The following NMNAT3 variants were observed in gnomAD, a reference collection of about 807,000 sequenced individuals.
NMNAT3 encodes the protein nicotinamide nucleotide adenylyltransferase 3.
Under a neutral mutation model 24.8 loss-of-function variants are expected in NMNAT3, and 21 were observed. The observed-to-expected ratio is 0.85, with a 90% CI of 0.60 to 1.22. The LOEUF is 1.22. Ranked by LOEUF, NMNAT3 falls within the 50% of genes most tolerant of loss-of-function variation. The pLI, the probability that NMNAT3 is intolerant of heterozygous loss-of-function variation, is 0.00. For missense variants in NMNAT3, 387 were observed against 436.6 expected (o/e 0.89, Z 1.01); for synonymous variants, 136 against 155.2 (o/e 0.88, Z 0.92).
At chr3:139,606,849 G>C (rs984164507) in intron 3 of NMNAT3, among the ~76,000 whole-genome samples, 2 of 151,944 alleles carry the variant, frequency 1.3e-5, no homozygotes, top group East Asian at 1.9e-4. Context: ...TATGTATTTT[G>C]TTCCTCAAAT....
At chr3:139,582,660 A>AG (rs959936428) in intron 4 of NMNAT3, among the ~76,000 whole-genome samples, 9 of 149,530 alleles carry the variant, frequency 6.0e-5, no homozygotes, top group South Asian at 4.2e-4. Context: ...AAAAAAAAAA[A>AG]AAAAGAAAAG....
chr3:139,624,865 A>T (rs942586205), intron 3 of NMNAT3, among the ~76,000 whole-genome samples: 4 of 152,172 alleles, frequency 2.6e-5, no homozygotes, highest in African/African-American at 9.7e-5. Context: ...CAATTAGGTC[A>T]AATTGTTTAA....
chr3:139,622,425 G>T (rs1215202536), intron 3 of NMNAT3, among the ~76,000 whole-genome samples: 1 of 148,698 alleles, frequency 6.7e-6, no homozygotes, highest in African/African-American at 2.4e-5. Flanking sequence ...AAAAGGTACA[G>T]TAAAAAACAT....
chr3:139,564,358 A>G (rs1432552639), intron 6 of NMNAT3, among the ~76,000 whole-genome samples: 1 of 152,210 alleles, frequency 6.6e-6, no homozygotes, highest in East Asian at 1.9e-4. Flanking sequence ...TAAATTTACC[A>G]TACAAGGCCA....
At position 139,583,069 on chromosome 3, in the gene NMNAT3, A is replaced by G. The variant is rs1187274038; in HGVS notation, c.249T>C (p.Ser83=). 1.7e-5 allele frequency: 27 copies of G among 1,604,602 alleles called. No individual in the cohort carries two copies. The highest frequency in any genetic ancestry group is 2.2e-5 in the Non-Finnish European group (26 of 1,174,070). The change falls in exon 4 of 7, where the codon TCT becomes TCC. Residue 83 remains serine (S), a synonymous_variant. Coordinates refer to ENST00000643695, the MANE Select transcript of NMNAT3 (RefSeq NM_001320510.2). ...GTTCTTCAGTTCTTTTGCGTTTAAA[A>G]GATGACTTGTCAGGGTCATCATTTT...
chr3:139,603,935 G>A (rs1173109962), intron 3 of NMNAT3, among the ~76,000 whole-genome samples: 1 of 152,158 alleles, frequency 6.6e-6, no homozygotes, highest in Non-Finnish European at 1.5e-5. Context: ...TCAAAGGTTG[G>A]TCACTAGATA....
At chr3:139,644,348 T>C (rs74953864) in intron 1 of NMNAT3, among the ~76,000 whole-genome samples, 6,495 of 152,142 alleles carry the variant, frequency 0.043, 471 homozygotes, top group African/African-American at 0.15. Flanking sequence ...AAAAATACAA[T>C]GAACAATACC....
intron 1 of NMNAT3, among the ~76,000 whole-genome samples, chr3:139,646,524 T>C (rs1165584301): frequency 6.6e-6 from 1 of 152,122 alleles, no homozygotes; most frequent in African/African-American, 2.4e-5. Flanking sequence ...CCACTCCCAT[T>C]TGCCCACAGA....
At chr3:139,586,893 G>C (rs2053962588) in intron 3 of NMNAT3, among the ~76,000 whole-genome samples, 1 of 152,182 alleles carries the variant, frequency 6.6e-6, no homozygotes, top group African/African-American at 2.4e-5. Context: ...AGAAAAGCCT[G>C]ATAGACAATG....
intron 1 of NMNAT3, among the ~76,000 whole-genome samples, chr3:139,659,567 T>C (rs944955008): frequency 6.6e-6 from 1 of 152,208 alleles, no homozygotes; most frequent in African/African-American, 2.4e-5. Context: ...ACAGAAAAAC[T>C]GATTTAAAGA....
intron 3 of NMNAT3, among the ~76,000 whole-genome samples, chr3:139,586,845 G>T (rs1168049026): frequency 6.6e-6 from 1 of 152,102 alleles, no homozygotes; most frequent in Non-Finnish European, 1.5e-5. Flanking sequence ...TTTTTGGCCT[G>T]AGGGTGAGGT....
At chr3:139,646,845 A>G (rs1345350730) in intron 1 of NMNAT3, among the ~76,000 whole-genome samples, 1 of 152,234 alleles carries the variant, frequency 6.6e-6, no homozygotes, top group Non-Finnish European at 1.5e-5. Flanking sequence ...GAAGAGTTTG[A>G]AGCAGGAGAC....
At chr3:139,624,770 A>C (rs986819339) in intron 3 of NMNAT3, among the ~76,000 whole-genome samples, 1 of 152,142 alleles carries the variant, frequency 6.6e-6, no homozygotes, top group Non-Finnish European at 1.5e-5. Context: ...TATGGTTCAG[A>C]ATATGGCTTA....
chr3:139,643,629 C>A (rs1417304372), intron 1 of NMNAT3, among the ~76,000 whole-genome samples: 2 of 152,036 alleles, frequency 1.3e-5, no homozygotes, highest in Admixed American at 1.3e-4. Flanking sequence ...ATAAGCCAGT[C>A]ACAAAAGAAC....
At chr3:139,565,131 G>C (rs145622958) in intron 6 of NMNAT3, among the ~76,000 whole-genome samples, 1 of 152,042 alleles carries the variant, frequency 6.6e-6, no homozygotes, top group Non-Finnish European at 1.5e-5. Context: ...TATGTATACA[G>C]TATAATTTAG....
intron 3 of NMNAT3, among the ~76,000 whole-genome samples, chr3:139,623,728 G>A (rs1161290056): frequency 6.6e-6 from 1 of 152,094 alleles, no homozygotes; most frequent in Non-Finnish European, 1.5e-5. Context: ...GATTACAGGT[G>A]CGTGCCACCA....
At position 139,578,950 on chromosome 3, in the gene NMNAT3, A is replaced by G; in HGVS notation, c.497T>C (p.Leu166Pro). The G allele has an allele frequency of 6.2e-7, 1 of 1,614,198 alleles. No individual in the cohort carries two copies. The highest frequency in any genetic ancestry group is 8.5e-7 in the Non-Finnish European group (1 of 1,180,034). ...CACCCGGATCCAGTCGGATGTCTGC[A>G]GGGCCAGCCGGGCCATGGCCACTCG... The change falls in exon 5 of 7, where the codon CTG (leucine) becomes CCG (proline). Residue 166 changes from leucine to proline, a missense_variant. By Grantham distance (98) the Leu-to-Pro change is moderately conservative. Coordinates refer to ENST00000643695, the MANE Select transcript of NMNAT3 (RefSeq NM_001320510.2).
chr3:139,626,239 A>G (rs956857268), intron 3 of NMNAT3, among the ~76,000 whole-genome samples: 4 of 152,048 alleles, frequency 2.6e-5, no homozygotes, highest in Non-Finnish European at 4.4e-5. Flanking sequence ...TGGGATTCCA[A>G]TTCCAAGTAT....
chr3:139,674,746 C>T (rs2057870383), intron 1 of NMNAT3, among the ~76,000 whole-genome samples: 1 of 152,088 alleles, frequency 6.6e-6, no homozygotes, highest in Non-Finnish European at 1.5e-5. Context: ...GTTCAGAATC[C>T]ATGCCACCCT....
Sources: allele counts gnomAD v4.1 joint callset (sites outside exome capture counted in the v4.1 genomes callset), GRCh38; gene constraint gnomAD v4.1.1; transcripts MANE v1.5; gene names NCBI Gene and HGNC (gene_info 2026-07-23, HGNC 2026-07-21).